The following FGFR1 variants were observed in gnomAD, a reference collection of about 807,000 sequenced individuals.
The protein encoded by FGFR1 is fibroblast growth factor receptor 1.
FGFR1 carries 18 observed loss-of-function variants against 93.7 expected under a neutral mutation model. The ratio of observed to expected loss-of-function variants is 0.19; its 90% CI spans 0.13 to 0.28. The LOEUF is 0.28. FGFR1 is among the 10% of genes least tolerant of loss of function. FGFR1 has a pLI of 1.00. For missense variants in FGFR1, 731 were observed against 1,080.4 expected, an observed-to-expected ratio of 0.68 and a Z score of 4.53; for synonymous variants, 448 against 429.3, an observed-to-expected ratio of 1.04 and a Z score of -0.54.
intron 2 of FGFR1, among the ~76,000 whole-genome samples, chr8:38,439,821 T>C (rs1826767016): frequency 1.3e-5 from 2 of 152,180 alleles, no homozygotes; most frequent in African/African-American, 4.8e-5. Context: ...CTCCCCAACA[T>C]GAATGTGCCT....
At chr8:38,421,687 C>G in intron 8 of FGFR1, 110 bp downstream of exon 8, 2 of 1,146,804 alleles carry the variant, frequency 1.7e-6, no homozygotes, top group Non-Finnish European at 2.6e-6. Flanking sequence ...CAGGCAGGAG[C>G]CCATTCTTCC....
In FGFR1 at chr8:38,416,026, C is replaced by G; in HGVS notation, c.1698G>C (p.Lys566Asn). 1 of 1,613,550 alleles carries G rather than the reference C, an allele frequency of 6.2e-7. No homozygotes were observed. Among genetic ancestry groups the G allele is most frequent in the East Asian group, 2.2e-5 (1 of 44,870 alleles). ...CCTGCAGGTACTCCCGCAGGTTGCC[C>G]TTGGAGGCATACTCCACGATGACAT... The part of the protein sequence containing the change: ...PLYVIVEYAS[K>N]GNLREYLQAR... Residue 566 changes from lysine to asparagine, a missense_variant, in exon 13 of 18, where the codon AAG becomes AAC. Transcript: ENST00000447712.
At chr8:38,431,939 C>T (rs539996845) in intron 2 of FGFR1, among the ~76,000 whole-genome samples, 1 of 152,190 alleles carries the variant, frequency 6.6e-6, no homozygotes, top group South Asian at 2.1e-4. Flanking sequence ...AGACTCAACT[C>T]TTAAGGAACA....
chr8:38,431,844 C>G (rs1823275388), intron 2 of FGFR1, among the ~76,000 whole-genome samples: 2 of 152,162 alleles, frequency 1.3e-5, no homozygotes, highest in Non-Finnish European at 2.9e-5. Flanking sequence ...TAAAAATAAG[C>G]TTTTGTGGGC....
chr8:38,438,888 T>A (rs1429156433), intron 2 of FGFR1, among the ~76,000 whole-genome samples: 1 of 152,144 alleles, frequency 6.6e-6, no homozygotes, highest in Non-Finnish European at 1.5e-5. Context: ...CTTCCCTCAT[T>A]TCCTCAAGCC....
At chr8:38,459,437 T>C (rs575064194) in intron 1 of FGFR1, among the ~76,000 whole-genome samples, 1 of 152,324 alleles carries the variant, frequency 6.6e-6, no homozygotes, top group East Asian at 1.9e-4. Context: ...ACTAAAATGT[T>C]TTAATGATTT....
At chr8:38,433,790 C>T (rs1824184077) in intron 2 of FGFR1, among the ~76,000 whole-genome samples, 1 of 152,216 alleles carries the variant, frequency 6.6e-6, no homozygotes, top group African/African-American at 2.4e-5. Flanking sequence ...AGGTAATTCA[C>T]ATGCTGTAAT....
chr8:38,415,862 T>G lies in FGFR1; in HGVS notation c.1854+8A>C, dbSNP rs2150581360. ...GGCATTACCCAGGGGAGCCTTCAGG[T>G]TCCACACCTTCTTGGAGGCCAGATA... On this transcript the variant is annotated splice_region_variant and intron_variant, in intron 13 of 17. Transcript: ENST00000447712. The G allele has an allele frequency of 3.1e-6, 5 of 1,612,958 alleles. No homozygotes were observed. In the Admixed American group the frequency reaches 5.0e-5, roughly 16 times the overall value.
chr8:38,435,411 T>C (rs1181489442), intron 2 of FGFR1: 1 of 152,162 alleles, frequency 6.6e-6, no homozygotes, highest in African/African-American at 2.4e-5. Context: ...GCTCTTGGTG[T>C]GTGTCAGGTT....
intron 8 of FGFR1, 197 bp from the exon 9 acceptor site, chr8:38,419,932 A>C: frequency 1.7e-6 from 1 of 594,290 alleles, no homozygotes. Context: ...GCTGCCTTCA[A>C]TGGACTTGAG....
rs962335970 is a variant in FGFR1 at position 38,414,986 on chromosome 8, G to A, written c.1855-85C>T. ...GCGGCCGCCACCCATGCAACTAGCC[G>A]ACTTGTCTCATAGAACTTCTGCCAC... On this transcript the variant is annotated intron_variant, in intron 13 of 17. Transcript: ENST00000447712. The A allele has an allele frequency of 9.0e-5, 100 of 1,113,348 alleles. 1 individual carries two copies. Among genetic ancestry groups the A allele is most frequent in the Middle Eastern group, 5.7e-4 (2 of 3,520 alleles). The allele number at this position is 1,113,348 out of a possible 1,614,324, so 69.0% of individuals were successfully genotyped here.
At chr8:38,423,064 G>C in intron 7 of FGFR1, 2 of 779,656 alleles carry the variant, frequency 2.6e-6, no homozygotes, top group Non-Finnish European at 4.8e-6. Context: ...CACGCAGACT[G>C]GTTAGCTTCA....
chr8:38,423,593 C>T (rs1163086624), intron 7 of FGFR1: 1 of 171,300 alleles, frequency 5.8e-6, no homozygotes, highest in Non-Finnish European at 1.2e-5. Flanking sequence ...GCGTGAGCCA[C>T]TGCGCCCGGC....
intron 2 of FGFR1, among the ~76,000 whole-genome samples, chr8:38,456,196 A>C (rs954242130): frequency 3.9e-5 from 6 of 151,950 alleles, no homozygotes; most frequent in South Asian, 2.1e-4. Flanking sequence ...CCTTTCACCC[A>C]CTGTGTGTCA....
Position 38,429,575 on chromosome 8 carries a change from G to C in FGFR1, c.358+107C>G, listed in dbSNP as rs758902032. 5 of 1,209,364 alleles carry C rather than the reference G, an allele frequency of 4.1e-6. No homozygotes were observed. The highest frequency in any genetic ancestry group is 4.1e-5 in the Admixed American group (2 of 48,940). The allele number at this position is 1,209,364 out of a possible 1,614,324, so 74.9% of individuals were successfully genotyped here. On this transcript the variant is annotated intron_variant, in intron 3 of 17. Transcript: ENST00000447712. This position sits in a 1 kb window ranked among gnomAD's most constrained non-coding sequence, Gnocchi z 4.4. The stretch of plus-strand genomic sequence containing the variant: ...TGGGCAGCAGTTTCTGAAGCAGAGT[G>C]GGGGCAGATCACGGAGGGGGAGGAG...
intron 15 of FGFR1, 111 bp from the exon 16 acceptor site, chr8:38,414,400 C>G (rs1288302061): frequency 1.9e-6 from 3 of 1,572,436 alleles, no homozygotes; most frequent in African/African-American, 1.4e-5. Context: ...AACAGATCAG[C>G]CTTTCAACAT....
chr8:38,452,031 G>A (rs1287156667), intron 2 of FGFR1, among the ~76,000 whole-genome samples: 2 of 152,144 alleles, frequency 1.3e-5, no homozygotes, highest in African/African-American at 2.4e-5. Flanking sequence ...AGGGGAAGGA[G>A]AGGGAGAGGG....
intron 2 of FGFR1, 99 bp from the exon 3 acceptor site, chr8:38,430,047 A>T: frequency 3.4e-6 from 4 of 1,193,610 alleles, no homozygotes; most frequent in Non-Finnish European, 4.7e-6. Context: ...CGCTGGCCAC[A>T]CGGAGCCGCA....
intron 2 of FGFR1, among the ~76,000 whole-genome samples, chr8:38,440,930 G>A (rs1292389690): frequency 2.6e-5 from 4 of 152,186 alleles, no homozygotes; most frequent in African/African-American, 9.6e-5. Flanking sequence ...CCAGGGGCTT[G>A]GGGCCCAGAG....
Sources: gnomAD v4.1 joint callset for allele counts (sites outside exome capture counted in the v4.1 genomes callset) on GRCh38, gnomAD v4.1.1 for gene constraint, Gnocchi (gnomAD v3.1) non-coding constraint, MANE v1.5 for transcripts, NCBI Gene and HGNC (gene_info 2026-07-23, HGNC 2026-07-21) for gene names.